SLC4A5: variants seen among roughly 807,000 people sequenced by gnomAD.
The protein encoded by SLC4A5 is solute carrier family 4 member 5, also known as electrogenic sodium bicarbonate cotransporter 4.
A neutral mutation model predicts 120.4 loss-of-function variants in SLC4A5; 96 were observed. That is an observed-to-expected ratio of 0.80 (90% CI 0.68 to 0.94). The LOEUF (loss-of-function observed/expected upper bound fraction) is 0.94, where lower values mean the gene tolerates loss of function less well. Ranked by LOEUF, SLC4A5 falls within the 40% of genes least tolerant of loss-of-function variation. The pLI is 0.00. For missense variants in SLC4A5, 1,259 were observed against 1,459.5 expected (o/e 0.86, Z 2.24); for synonymous variants, 550 against 571.1 (o/e 0.96, Z 0.53).
intron 8 of SLC4A5, among the ~76,000 whole-genome samples, chr2:74,268,851 A>T (rs981860131): frequency 3.9e-5 from 6 of 152,206 alleles, no homozygotes; most frequent in African/African-American, 1.2e-4. Context: ...CTTTTCCTTC[A>T]TCAGATTTCC....
chr2:74,247,208 G>T, exon 19 of SLC4A5: 1 of 1,614,226 alleles, frequency 6.2e-7, no homozygotes. Context: ...TGATATATTT[G>T]ATGATAAAGC....
At position 74,290,673 on chromosome 2, in the gene SLC4A5, G is replaced by A. The variant is rs1672137830; in HGVS notation, c.272-4771C>T. On this transcript the variant is annotated intron_variant, in intron 7 of 30. Coordinates refer to ENST00000394019, the Ensembl canonical transcript of SLC4A5. ...AGAAGTGAGCAAGAGAGAGAGAGAAGTGAGAGGGTGAGAGAGAAATCTCAG... is the reference window on the plus strand; with the variant it reads ...AGAAGTGAGCAAGAGAGAGAGAGAAATGAGAGGGTGAGAGAGAAATCTCAG... 17 of 982,350 alleles carry A rather than the reference G, an allele frequency of 1.7e-5. No homozygotes were observed. The South Asian group carries it at 7.1e-4, about 41-fold the overall frequency. 60.9% of individuals were successfully genotyped at this position (982,350 alleles called of 1,614,324 possible). A position where few individuals can be genotyped will look rare whatever the true frequency, so the allele number is the denominator to read the frequency against.
At chr2:74,248,570 C>T (rs903126084) in intron 17 of SLC4A5, 84 bp from the exon 18 acceptor site, 30 of 1,500,144 alleles carry the variant, frequency 2.0e-5, no homozygotes, top group African/African-American at 1.4e-4. Context: ...GATCTCTCCA[C>T]GGGCCCAGGC....
chr2:74,245,767 A>G (rs757114769), intron 19 of SLC4A5, among the ~76,000 whole-genome samples: 13 of 152,240 alleles, frequency 8.5e-5, no homozygotes, highest in South Asian at 4.1e-4. Flanking sequence ...AGGGCATACA[A>G]TAATTGTGCA....
At chr2:74,264,119 A>G in intron 10 of SLC4A5, 28 bp downstream of exon 10, 1 of 1,607,116 alleles carries the variant, frequency 6.2e-7, no homozygotes. Context: ...TGCATGTCCC[A>G]TGCCTACCAG....
At chr2:74,221,639 G>A in intron 29 of SLC4A5, 138 bp from the exon 30 acceptor site, 1 of 835,560 alleles carries the variant, frequency 1.2e-6, no homozygotes, top group Non-Finnish European at 1.9e-6. Context: ...GGGCCTCAGA[G>A]ATGTGTGGCT....
At chr2:74,290,812 C>G (rs1297482608) in intron 7 of SLC4A5, 2 of 974,600 alleles carry the variant, frequency 2.1e-6, no homozygotes, top group Non-Finnish European at 2.4e-6. Context: ...ACTGGCAAAA[C>G]TGCCCCTTTA....
At chr2:74,303,641 A>G (rs1353032666) in intron 7 of SLC4A5, among the ~76,000 whole-genome samples, 3 of 152,034 alleles carry the variant, frequency 2.0e-5, no homozygotes, top group African/African-American at 7.2e-5. Context: ...GCCCAGAACT[A>G]TTTTCTGAAG....
exon 31 of SLC4A5, chr2:74,217,527 C>T (rs1392195466): frequency 2.0e-5 from 3 of 152,040 alleles, no homozygotes; most frequent in Admixed American, 1.3e-4. Context: ...GGGAGTTTGA[C>T]TTTGGGAATA....
chr2:74,263,958 C>A (rs944473995), intron 10 of SLC4A5, among the ~76,000 whole-genome samples, 189 bp downstream of exon 10: 1 of 152,262 alleles, frequency 6.6e-6, no homozygotes, highest in African/African-American at 2.4e-5. Flanking sequence ...TTGTTCTGCT[C>A]TGGTGGTGGG....
At chr2:74,234,401 TCTC>T (rs1481240547) in intron 22 of SLC4A5, among the ~76,000 whole-genome samples, 1 of 152,072 alleles carries the variant, frequency 6.6e-6, no homozygotes, top group East Asian at 1.9e-4. Context: ...ATGGTCTCAA[TCTC>T]CTCACCTCAT....
At chr2:74,302,443 C>G (rs1271595490) in intron 7 of SLC4A5, among the ~76,000 whole-genome samples, 3 of 152,062 alleles carry the variant, frequency 2.0e-5, no homozygotes, top group South Asian at 2.1e-4. Context: ...ATGGTGAAAC[C>G]CTGTTTCTAC....
At chr2:74,257,091 G>T (rs1411458881) in intron 12 of SLC4A5, among the ~76,000 whole-genome samples, 1 of 152,116 alleles carries the variant, frequency 6.6e-6, no homozygotes, top group East Asian at 1.9e-4. Context: ...TATGGGCATG[G>T]ATATGGTCAA....
chr2:74,324,762 G>A (rs1362563139), intron 5 of SLC4A5, among the ~76,000 whole-genome samples: 1 of 152,008 alleles, frequency 6.6e-6, no homozygotes, highest in Non-Finnish European at 1.5e-5. Context: ...CTGAAGGAAA[G>A]GCCATGTGAC....
intron 6 of SLC4A5, chr2:74,307,955 A>G (rs1350283521): frequency 5.5e-6 from 3 of 542,478 alleles, no homozygotes; most frequent in African/African-American, 3.9e-5. Context: ...GTGGCTGGAC[A>G]GAGCCCAGGG....
intron 5 of SLC4A5, among the ~76,000 whole-genome samples, chr2:74,324,550 C>CT: frequency 6.6e-6 from 1 of 152,292 alleles, no homozygotes; most frequent in East Asian, 1.9e-4. Context: ...CCAGGGACCA[C>CT]ATTTAAAACC....
chr2:74,230,811 T>TC (rs1019306306), intron 25 of SLC4A5, among the ~76,000 whole-genome samples: 3 of 151,820 alleles, frequency 2.0e-5, no homozygotes, highest in Non-Finnish European at 4.4e-5. Context: ...CTTTTCTTTC[T>TC]TTTTTTTGTT....
At chr2:74,292,859 T>C (rs1406915462) in intron 7 of SLC4A5, among the ~76,000 whole-genome samples, 3 of 152,108 alleles carry the variant, frequency 2.0e-5, no homozygotes, top group Non-Finnish European at 4.4e-5. Flanking sequence ...GGCTCCCTGA[T>C]GGGTGGCTAC....
At chr2:74,218,981 C>T (rs1424850573) in intron 30 of SLC4A5, among the ~76,000 whole-genome samples, 189 bp from the exon 31 acceptor site, 1 of 152,218 alleles carries the variant, frequency 6.6e-6, no homozygotes, top group East Asian at 1.9e-4. Context: ...GTAAACCTAT[C>T]TTCACATTGC....
Sources: gnomAD v4.1 joint callset for allele counts (sites outside exome capture counted in the v4.1 genomes callset) on GRCh38, gnomAD v4.1.1 for gene constraint, MANE v1.5 for transcripts, NCBI Gene and HGNC (gene_info 2026-07-23, HGNC 2026-07-21) for gene names.